Variants in NUP153 observed in about 807,000 individuals in gnomAD.
The protein encoded by NUP153 is nuclear pore complex protein Nup153.
In NUP153, 27 loss-of-function variants were observed where a neutral mutation model predicts 134.6. The ratio of observed to expected loss-of-function variants is 0.20; its 90% CI spans 0.15 to 0.28. The LOEUF is 0.28. NUP153 is among the 10% of genes least tolerant of loss of function. The pLI is 1.00. For synonymous variants in NUP153, 640 were observed against 623.5 expected, an observed-to-expected ratio of 1.03 and a Z score of -0.40; for missense variants, 1,821 against 1,731.3, an observed-to-expected ratio of 1.05 and a Z score of -0.92.
rs1206744356 is a variant in NUP153 at position 17,680,508 on chromosome 6, CAG to C, written c.335-4740_335-4739del. 2.0e-5 allele frequency among the ~76,000 whole-genome samples: 3 copies of C among 152,054 alleles called. No homozygotes were observed. Among genetic ancestry groups the C allele is most frequent in the African/African-American group, 7.2e-5 (3 of 41,404 alleles). On this transcript the variant is annotated intron_variant, in intron 2 of 21. Coordinates refer to ENST00000262077, the MANE Select transcript of NUP153 (RefSeq NM_005124.4). This position sits in a 1 kb window ranked among gnomAD's most constrained non-coding sequence, Gnocchi z 4.5. Reference sequence around the variant, plus strand: ...AAACTATAAAACTTATAGAAGAAAACAGAATTTCAGGACATGAGATTTGACAA... The same window carrying C: ...AAACTATAAAACTTATAGAAGAAAACAATTTCAGGACATGAGATTTGACAA...
In NUP153 at chr6:17,663,237, A is replaced by G. The variant is rs1048726469; in HGVS notation, c.1216-1167T>C. Reference sequence around the variant, plus strand: ...TTATGCTAAAAAGAAAAAAATACACACACACACACACACACACACACACAT... The same window carrying G: ...TTATGCTAAAAAGAAAAAAATACACGCACACACACACACACACACACACAT... On this transcript the variant is annotated intron_variant, in intron 9 of 21. Transcript: ENST00000262077. 7.2e-5 allele frequency among the ~76,000 whole-genome samples: 4 copies of G among 55,624 alleles called. No homozygotes were observed. The Admixed American group carries it at 9.5e-4, about 13-fold the overall frequency. The allele number at this position is 55,624 out of a possible 152,430, so 36.5% of individuals were successfully genotyped here.
chr6:17,624,864 A>G, intron 19 of NUP153, 31 bp from the exon 20 acceptor site: 2 of 1,523,984 alleles, frequency 1.3e-6, no homozygotes, highest in East Asian at 2.3e-5. Flanking sequence ...TTAAGTCACC[A>G]TGGTGGCTAA....
intron 16 of NUP153, among the ~76,000 whole-genome samples, chr6:17,635,373 T>C (rs928560123): frequency 6.6e-6 from 1 of 152,054 alleles, no homozygotes; most frequent in Non-Finnish European, 1.5e-5. Context: ...CCTCCCAAAG[T>C]GCTGGGATTA....
intron 14 of NUP153, among the ~76,000 whole-genome samples, chr6:17,644,325 C>T (rs34895075): frequency 0.071 from 10,881 of 152,282 alleles, 484 homozygotes; most frequent in Admixed American, 0.11. Flanking sequence ...CACACTAGCA[C>T]TCACCACACT....
chr6:17,672,656 A>C (rs958171220), intron 5 of NUP153, among the ~76,000 whole-genome samples: 10 of 152,138 alleles, frequency 6.6e-5, no homozygotes, highest in African/African-American at 2.4e-4. Context: ...ACACTAGAAC[A>C]ATTGCACACC....
In NUP153 at chr6:17,706,317, C is replaced by T. The variant is rs770062920; in HGVS notation, c.71G>A (p.Gly24Glu). ...GKIRTRRCHQ[G>E]PIKPYQQGRQ... ...CCCCTGCTGGTAAGGCTTAATTGGC[C>T]CCTGGTGGCAACGCCGCGTCCGGAT... The change falls in exon 1 of 22, where the codon GGG (glycine) becomes GAG (glutamate). Residue 24 changes from glycine to glutamate, a missense_variant. By Grantham distance (98) the Gly-to-Glu change is moderately conservative (BLOSUM62 -2). Coordinates refer to ENST00000262077, the MANE Select transcript of NUP153 (RefSeq NM_005124.4). This position sits in a 1 kb window ranked among gnomAD's most constrained non-coding sequence, Gnocchi z 5.9. The T allele has an allele frequency of 1.2e-6, 2 of 1,613,636 alleles. No homozygotes were observed. Among genetic ancestry groups the T allele is most frequent in the African/African-American group, 1.3e-5 (1 of 74,900 alleles).
At chr6:17,684,584 G>C (rs868564224) in intron 2 of NUP153, among the ~76,000 whole-genome samples, 10 of 152,180 alleles carry the variant, frequency 6.6e-5, no homozygotes, top group Non-Finnish European at 1.0e-4. Flanking sequence ...GTGTTTACTA[G>C]AGCAGCACTT....
chr6:17,663,169 G>A (rs1463872062), intron 9 of NUP153, among the ~76,000 whole-genome samples: 1 of 151,640 alleles, frequency 6.6e-6, no homozygotes, highest in Non-Finnish European at 1.5e-5. Flanking sequence ...AGTAAAATGT[G>A]AAGTTCATGA....
At chr6:17,618,763 T>TC (rs1452691313) in intron 20 of NUP153, among the ~76,000 whole-genome samples, 1 of 152,272 alleles carries the variant, frequency 6.6e-6, no homozygotes, top group East Asian at 1.9e-4. Context: ...AGATGGGGTT[T>TC]CACCGTGTTA....
chr6:17,649,717 T>C (rs1221714774), intron 11 of NUP153, among the ~76,000 whole-genome samples: 1 of 152,376 alleles, frequency 6.6e-6, no homozygotes, highest in East Asian at 1.9e-4. Flanking sequence ...ACTACATTCA[T>C]ATAACCTTTA....
intron 20 of NUP153, among the ~76,000 whole-genome samples, chr6:17,618,461 G>A (rs1308427684): frequency 6.6e-6 from 1 of 151,784 alleles, no homozygotes; most frequent in Non-Finnish European, 1.5e-5. Context: ...ATCCACTGGA[G>A]AGTTGGGTGG....
intron 11 of NUP153, among the ~76,000 whole-genome samples, chr6:17,660,468 T>C (rs1467127981): frequency 6.6e-6 from 1 of 152,062 alleles, no homozygotes; most frequent in Non-Finnish European, 1.5e-5. Context: ...GAAAGGTTAA[T>C]GTAACCAATC....
At chr6:17,629,599 T>C in intron 17 of NUP153, 60 bp from the exon 18 acceptor site, 1 of 1,453,640 alleles carries the variant, frequency 6.9e-7, no homozygotes, top group Non-Finnish European at 9.2e-7. Flanking sequence ...TCAAACAAAA[T>C]GTAAACACTG....
chr6:17,656,680 A>T lies in NUP153; in HGVS notation c.1395+4973T>A, dbSNP rs199723958. ...GAAAGCTTTACTTAGATAACCAACAAGGAAGACAGGAGTCCAGCTCAAATC... is the reference window on the plus strand; with the variant it reads ...GAAAGCTTTACTTAGATAACCAACATGGAAGACAGGAGTCCAGCTCAAATC... On this transcript the variant is annotated intron_variant, in intron 11 of 21. Transcript: ENST00000262077. Among the ~76,000 whole-genome samples the T allele has an allele frequency of 6.6e-5, 10 of 152,310 alleles. No homozygotes were observed. In the East Asian group the frequency reaches 1.7e-3, roughly 26 times the overall value.
intron 5 of NUP153, among the ~76,000 whole-genome samples, chr6:17,674,245 A>T (rs2113833149): frequency 6.6e-6 from 1 of 152,328 alleles, no homozygotes; most frequent in South Asian, 2.1e-4. Context: ...TGATTGTAGA[A>T]GTGGTTATAT....
chr6:17,664,924 A>G (rs1340922307), intron 9 of NUP153, among the ~76,000 whole-genome samples: 1 of 151,874 alleles, frequency 6.6e-6, no homozygotes, highest in Non-Finnish European at 1.5e-5. Flanking sequence ...GAGGTGGCAC[A>G]TGCCTGTAGT....
intron 5 of NUP153, among the ~76,000 whole-genome samples, chr6:17,670,245 G>C (rs1298513662): frequency 6.6e-6 from 1 of 151,840 alleles, no homozygotes; most frequent in Non-Finnish European, 1.5e-5. Flanking sequence ...CATAATTACT[G>C]TTAATTATAT....
chr6:17,661,923 C>T (rs1423931115), intron 10 of NUP153, 95 bp downstream of exon 10: 1 of 1,280,626 alleles, frequency 7.8e-7, no homozygotes, highest in East Asian at 2.3e-5. Flanking sequence ...AGTTTCTGTT[C>T]TTTGATTTTA....
intron 16 of NUP153, among the ~76,000 whole-genome samples, chr6:17,634,818 C>G (rs920777494): frequency 6.6e-6 from 1 of 152,050 alleles, no homozygotes; most frequent in African/African-American, 2.4e-5. Context: ...TTATTCAGTT[C>G]GATCAGTACA....
Sources: gnomAD v4.1 joint callset for allele counts (sites outside exome capture counted in the v4.1 genomes callset) on GRCh38, gnomAD v4.1.1 for gene constraint, Gnocchi (gnomAD v3.1) non-coding constraint, MANE v1.5 for transcripts, NCBI Gene and HGNC (gene_info 2026-07-23, HGNC 2026-07-21) for gene names.